Variants in TFCP2L1 observed in about 807,000 individuals in gnomAD.
The protein encoded by TFCP2L1 is transcription factor CP2-like protein 1.
TFCP2L1 carries 12 observed loss-of-function variants against 72.2 expected under a neutral mutation model. The observed-to-expected ratio is 0.17, with a 90% confidence interval of 0.11 to 0.27. The LOEUF is 0.27. TFCP2L1 is among the 10% of genes least tolerant of loss of function. The pLI, the probability that TFCP2L1 is intolerant of heterozygous loss-of-function variation, is 1.00. For missense variants in TFCP2L1, 488 were observed against 624.6 expected (o/e 0.78, Z 2.33); for synonymous variants, 260 against 251.0 (o/e 1.04, Z -0.34).
intron 10 of TFCP2L1, among the ~76,000 whole-genome samples, chr2:121,236,171 G>C (rs557109034): frequency 2.0e-5 from 3 of 152,142 alleles, no homozygotes; most frequent in Admixed American, 6.5e-5. Flanking sequence ...GCGCTGGGGG[G>C]GCTTCAGGTC....
intron 11 of TFCP2L1, 126 bp downstream of exon 11, chr2:121,235,095 C>T (rs978639116): frequency 2.1e-6 from 2 of 932,726 alleles, no homozygotes; most frequent in Non-Finnish European, 3.4e-6. Flanking sequence ...CACTTGACCC[C>T]ACACTGCAGG....
intron 14 of TFCP2L1, among the ~76,000 whole-genome samples, chr2:121,224,592 T>C (rs924909635): frequency 6.6e-6 from 1 of 152,172 alleles, no homozygotes; most frequent in African/African-American, 2.4e-5. Context: ...TAGGTCTTTC[T>C]ACCATAGCCC....
At chr2:121,231,755 G>C (rs1353696580) in intron 13 of TFCP2L1, 71 bp downstream of exon 13, 21 of 1,575,778 alleles carry the variant, frequency 1.3e-5, no homozygotes, top group Non-Finnish European at 1.7e-5. Context: ...TGTGTTTCTG[G>C]GGCAGGGGTT....
intron 6 of TFCP2L1, among the ~76,000 whole-genome samples, chr2:121,244,027 C>T (rs769619115): frequency 6.6e-6 from 1 of 152,010 alleles, no homozygotes; most frequent in South Asian, 2.1e-4. Flanking sequence ...CAGGGATGTG[C>T]GCAACAGATC....
At chr2:121,224,886 G>A (rs915205231) in intron 14 of TFCP2L1, among the ~76,000 whole-genome samples, 25 of 152,266 alleles carry the variant, frequency 1.6e-4, no homozygotes, top group Non-Finnish European at 2.5e-4. Flanking sequence ...TCGGGAGGCT[G>A]AGGCAGGAGA....
rs2104642868 is a variant in TFCP2L1, at chr2:121,219,022, A to T, written c.*5319T>A. 1 of 152,334 alleles carries T rather than the reference A, an allele frequency of 6.6e-6. No individual in the cohort carries two copies. The highest frequency in any genetic ancestry group is 1.5e-5 in the Non-Finnish European group (1 of 68,090). 9.4% of individuals were successfully genotyped at this position (152,334 alleles called of 1,614,324 possible). A position where few individuals can be genotyped will look rare whatever the true frequency, so the allele number is the denominator to read the frequency against. On this transcript the variant is annotated 3_prime_UTR_variant, in exon 15 of 15. Transcript: ENST00000263707. ...TCAGAAGAGGGTACAAACATTTCCT[A>T]CCTGCAACCCTGGACCGGTAAGATG...
At chr2:121,227,036 C>T (rs944529901) in intron 13 of TFCP2L1, among the ~76,000 whole-genome samples, 3 of 152,216 alleles carry the variant, frequency 2.0e-5, no homozygotes, top group African/African-American at 7.2e-5. Flanking sequence ...TGCTCCTCGG[C>T]AGTGCCAATG....
intron 10 of TFCP2L1, 32 bp downstream of exon 10, chr2:121,237,591 A>G (rs1406992534): frequency 6.8e-6 from 11 of 1,611,924 alleles, no homozygotes; most frequent in Non-Finnish European, 9.3e-6. Flanking sequence ...CAAGATACTC[A>G]TGGGCTTTAA....
At position 121,224,248 on chromosome 2, in the gene TFCP2L1, C is replaced by G; in HGVS notation, c.*93G>C. The G allele has an allele frequency of 6.7e-7, 1 of 1,487,862 alleles. No homozygotes were observed. Among genetic ancestry groups the G allele is most frequent in the African/African-American group, 1.4e-5 (1 of 72,774 alleles). 92.2% of individuals were successfully genotyped at this position (1,487,862 alleles called of 1,614,324 possible). On this transcript the variant is annotated 3_prime_UTR_variant, in exon 15 of 15. Coordinates refer to ENST00000263707, the MANE Select transcript of TFCP2L1 (RefSeq NM_014553.3). ...AGGGTCCCTCCTGGCCTCAGCTTGCCTGGTGAGGCCACAGCTTACAGTGGG... is the reference window on the plus strand; with the variant it reads ...AGGGTCCCTCCTGGCCTCAGCTTGCGTGGTGAGGCCACAGCTTACAGTGGG...
At chr2:121,240,947 C>T (rs2104687184) in intron 7 of TFCP2L1, among the ~76,000 whole-genome samples, 2 of 152,342 alleles carry the variant, frequency 1.3e-5, no homozygotes, top group Middle Eastern at 6.8e-3. Flanking sequence ...CATGTCCACA[C>T]ACATACACAC....
chr2:121,235,222 G>A lies in TFCP2L1; in HGVS notation c.1093C>T (p.Arg365Trp), dbSNP rs1558729042. 1.2e-6 allele frequency: 2 copies of A among 1,614,134 alleles called. No individual in the cohort carries two copies. The highest frequency in any genetic ancestry group is 1.7e-5 in the Admixed American group (1 of 60,016). Residue 365 changes from arginine to tryptophan, a missense_variant and splice_region_variant, in exon 11 of 15, where the codon CGG (arginine) becomes TGG (tryptophan). Transcript: ENST00000263707. ...GIRLFNAIKGRNVRPKMTIYV... is the reference protein window; with the variant it reads ...GIRLFNAIKGWNVRPKMTIYV... ...CTTCACAGAGAAACCAACACCTACC[G>A]GCCTTTGATGGCGTTGAAGAGCCGG...
chr2:121,255,875 T>C (rs972716612), intron 2 of TFCP2L1, among the ~76,000 whole-genome samples: 2 of 152,064 alleles, frequency 1.3e-5, no homozygotes, highest in Non-Finnish European at 2.9e-5. Flanking sequence ...CCCGAGTAGC[T>C]GGGACTGCAG....
Position 121,269,918 on chromosome 2 carries a change from A to AAAAAAAAAAATATAT in TFCP2L1, c.214+11201_214+11202insATATATTTTTTTTTT. 2.3e-4 allele frequency among the ~76,000 whole-genome samples: 26 copies of AAAAAAAAAAATATAT among 115,170 alleles called. 1 individual carries two copies. The highest frequency in any genetic ancestry group is 8.9e-4 in the African/African-American group (24 of 26,922). The allele number at this position is 115,170 out of a possible 152,430, so 75.6% of individuals were successfully genotyped here. A position where few individuals can be genotyped will look rare whatever the true frequency, so the allele number is the denominator to read the frequency against. Reference sequence around the variant, plus strand: ...AGCAAGACTCCATCTAAAAAAAAAAAATATATATATATATATATGCAAAAG... The same window carrying AAAAAAAAAAATATAT: ...AGCAAGACTCCATCTAAAAAAAAAAAAAAAAAAAAATATATATATATATATATATATATGCAAAAG... On this transcript the variant is annotated intron_variant, in intron 2 of 14. Transcript: ENST00000263707.
chr2:121,256,102 C>T (rs1038424780), intron 2 of TFCP2L1, among the ~76,000 whole-genome samples: 1 of 152,136 alleles, frequency 6.6e-6, no homozygotes, highest in African/African-American at 2.4e-5. Flanking sequence ...TAAACCCTCC[C>T]GCTTCTCCTA....
At chr2:121,245,712 C>T (rs1390946593) in intron 6 of TFCP2L1, among the ~76,000 whole-genome samples, 1 of 152,212 alleles carries the variant, frequency 6.6e-6, no homozygotes, top group Admixed American at 6.5e-5. Context: ...CAGATCACTG[C>T]CCAGTGCTCA....
rs2104649387 is a variant in TFCP2L1, at chr2:121,222,888, A to G, written c.*1453T>C. 6.6e-6 allele frequency: 1 copy of G among 152,334 alleles called. No homozygotes were observed. The highest frequency in any genetic ancestry group is 2.1e-4 in the South Asian group (1 of 4,826). 9.4% of individuals were successfully genotyped at this position (152,334 alleles called of 1,614,324 possible). ...CCTCACTCTGTTCTGTAGGAATGCC[A>G]CGGCTATTACCCAACATAATGACTA... On this transcript the variant is annotated 3_prime_UTR_variant, in exon 15 of 15. Coordinates refer to ENST00000263707, the MANE Select transcript of TFCP2L1 (RefSeq NM_014553.3).
intron 2 of TFCP2L1, among the ~76,000 whole-genome samples, chr2:121,257,926 T>G (rs1438511574): frequency 2.6e-5 from 4 of 152,132 alleles, no homozygotes. Flanking sequence ...CGGAAAGCTC[T>G]GAGAACCGGC....
At chr2:121,262,302 T>G (rs1032006015) in intron 2 of TFCP2L1, among the ~76,000 whole-genome samples, 5 of 151,956 alleles carry the variant, frequency 3.3e-5, no homozygotes, top group African/African-American at 9.7e-5. Flanking sequence ...CTGTCTCTAC[T>G]AAAAATACTA....
intron 10 of TFCP2L1, 66 bp from the exon 11 acceptor site, chr2:121,235,377 A>C: frequency 8.0e-6 from 11 of 1,367,184 alleles, no homozygotes; most frequent in African/African-American, 1.4e-5. Flanking sequence ...GTCCCCAACC[A>C]GCTGCAGACC....
Sources: gnomAD v4.1 joint callset for allele counts (sites outside exome capture counted in the v4.1 genomes callset) on GRCh38, gnomAD v4.1.1 for gene constraint, MANE v1.5 for transcripts, NCBI Gene and HGNC (gene_info 2026-07-23, HGNC 2026-07-21) for gene names.